The following SH3RF3 variants were observed in gnomAD, a reference collection of about 807,000 sequenced individuals.
SH3RF3 encodes E3 ubiquitin-protein ligase SH3RF3.
In SH3RF3, 29 loss-of-function variants were observed where a neutral mutation model predicts 66.3. The ratio of observed to expected loss-of-function variants is 0.44; its 90% CI spans 0.33 to 0.60. The LOEUF (loss-of-function observed/expected upper bound fraction) is 0.60, where lower values mean the gene tolerates loss of function less well. SH3RF3 is among the 20% of genes least tolerant of loss of function. The pLI, the probability that SH3RF3 is intolerant of heterozygous loss-of-function variation, is 0.04. For missense variants in SH3RF3, 1,194 were observed against 1,190.9 expected, an observed-to-expected ratio of 1.00 and a Z score of -0.04; for synonymous variants, 583 against 532.0, an observed-to-expected ratio of 1.10 and a Z score of -1.32.
At chr2:109,443,896 T>C (rs913341469) in intron 7 of SH3RF3, among the ~76,000 whole-genome samples, 25 of 152,332 alleles carry the variant, frequency 1.6e-4, no homozygotes, top group Admixed American at 5.2e-4. Flanking sequence ...CTTGACTTAG[T>C]TGACGTTTGT....
At chr2:109,266,431 T>C (rs1279270961) in intron 1 of SH3RF3, among the ~76,000 whole-genome samples, 2 of 151,898 alleles carry the variant, frequency 1.3e-5, no homozygotes, top group Non-Finnish European at 2.9e-5. Context: ...CAGGAACAAG[T>C]CTGAGGACTT....
At chr2:109,142,053 G>T (rs1423352757) in intron 1 of SH3RF3, among the ~76,000 whole-genome samples, 2 of 151,268 alleles carry the variant, frequency 1.3e-5, no homozygotes, top group African/African-American at 2.4e-5. Flanking sequence ...TGGGGGGGGG[G>T]TCTCAGGTAT....
intron 1 of SH3RF3, among the ~76,000 whole-genome samples, chr2:109,263,477 A>T (rs916109251): frequency 1.3e-5 from 2 of 152,156 alleles, no homozygotes; most frequent in Non-Finnish European, 2.9e-5. Context: ...GAATATGGAG[A>T]CTTTAAAATG....
At chr2:109,470,396 C>T (rs1226445866) in intron 8 of SH3RF3, among the ~76,000 whole-genome samples, 1 of 152,138 alleles carries the variant, frequency 6.6e-6, no homozygotes, top group African/African-American at 2.4e-5. Flanking sequence ...TCCCTGGAAG[C>T]GCCTTGTCAA....
At chr2:109,262,620 A>G (rs1025410117) in intron 1 of SH3RF3, among the ~76,000 whole-genome samples, 4 of 152,220 alleles carry the variant, frequency 2.6e-5, no homozygotes, top group South Asian at 2.1e-4. Context: ...TTGTATGTCT[A>G]CAACTTTTGT....
intron 1 of SH3RF3, among the ~76,000 whole-genome samples, chr2:109,225,629 A>T (rs1331629097): frequency 6.6e-6 from 1 of 152,242 alleles, no homozygotes; most frequent in East Asian, 1.9e-4. Context: ...AGTCACTTTC[A>T]TGTTTGAATT....
chr2:109,456,440 T>C (rs1678061275), intron 8 of SH3RF3, among the ~76,000 whole-genome samples: 1 of 152,244 alleles, frequency 6.6e-6, no homozygotes, highest in Non-Finnish European at 1.5e-5. Flanking sequence ...AGGCATAAAC[T>C]GCTGGAGCAT....
chr2:109,181,221 A>G (rs528369975), intron 1 of SH3RF3, among the ~76,000 whole-genome samples: 1 of 152,314 alleles, frequency 6.6e-6, no homozygotes, highest in Non-Finnish European at 1.5e-5. Flanking sequence ...GGTTTATGGA[A>G]AAGTTGAGAA....
At chr2:109,460,073 A>G (rs1373327568) in intron 8 of SH3RF3, among the ~76,000 whole-genome samples, 7 of 152,208 alleles carry the variant, frequency 4.6e-5, no homozygotes, top group African/African-American at 1.7e-4. Flanking sequence ...ATAATGGGGA[A>G]CATGGTAGAG....
At chr2:109,454,186 AGG>A (rs1677969939) in intron 8 of SH3RF3, among the ~76,000 whole-genome samples, 1 of 152,238 alleles carries the variant, frequency 6.6e-6, no homozygotes, top group East Asian at 1.9e-4. Context: ...ATAAAATAGG[AGG>A]AAATACTTAC....
intron 1 of SH3RF3, among the ~76,000 whole-genome samples, chr2:109,267,514 T>G (rs1291516433): frequency 6.6e-6 from 1 of 152,176 alleles, no homozygotes; most frequent in Admixed American, 6.5e-5. Context: ...GTCTTTGTGC[T>G]TGCTTCTTTG....
intron 1 of SH3RF3, among the ~76,000 whole-genome samples, chr2:109,140,422 C>T (rs1180680993): frequency 6.6e-6 from 1 of 151,978 alleles, no homozygotes; most frequent in Non-Finnish European, 1.5e-5. Flanking sequence ...GCTCTGTCCC[C>T]TAGGCTGGAG....
intron 6 of SH3RF3, among the ~76,000 whole-genome samples, chr2:109,434,489 G>A (rs1677343792): frequency 6.6e-6 from 1 of 152,220 alleles, no homozygotes; most frequent in African/African-American, 2.4e-5. Context: ...GGCAACTCCT[G>A]ACGTGTGTCA....
intron 9 of SH3RF3, 45 bp from the exon 10 acceptor site, chr2:109,501,458 T>G (rs1432358693): frequency 2.7e-6 from 2 of 746,952 alleles, no homozygotes; most frequent in African/African-American, 1.7e-5. Context: ...ACCCAGCAGA[T>G]GGAGATTGTC....
At chr2:109,181,045 G>A (rs1403127389) in intron 1 of SH3RF3, among the ~76,000 whole-genome samples, 5 of 152,178 alleles carry the variant, frequency 3.3e-5, no homozygotes, top group African/African-American at 1.2e-4. Flanking sequence ...TTGATGGCCA[G>A]CCCGCTGTGC....
At chr2:109,477,644 T>G (rs1441919714) in intron 8 of SH3RF3, among the ~76,000 whole-genome samples, 1 of 137,768 alleles carries the variant, frequency 7.3e-6, no homozygotes, top group African/African-American at 2.8e-5. Context: ...GTGTGTGTGT[T>G]GGTGAGGGGT....
chr2:109,318,983 A>G (rs983491534), intron 1 of SH3RF3, among the ~76,000 whole-genome samples: 2 of 152,246 alleles, frequency 1.3e-5, no homozygotes, highest in Non-Finnish European at 2.9e-5. Context: ...TGTCTGTCCC[A>G]GAACAGATCA....
chr2:109,143,806 G>GGA, intron 1 of SH3RF3, among the ~76,000 whole-genome samples: 1 of 87,804 alleles, frequency 1.1e-5, no homozygotes, highest in Admixed American at 1.1e-4. Flanking sequence ...GTGCTGTGCT[G>GGA]TATACACACA....
At chr2:109,211,401 A>T (rs927996209) in intron 1 of SH3RF3, among the ~76,000 whole-genome samples, 7 of 152,246 alleles carry the variant, frequency 4.6e-5, no homozygotes, top group African/African-American at 1.7e-4. Context: ...AGGTGTTATA[A>T]ACAGCAGGGA....
Sources: gnomAD v4.1 joint callset for allele counts (sites outside exome capture counted in the v4.1 genomes callset) on GRCh38, gnomAD v4.1.1 for gene constraint, MANE v1.5 for transcripts, NCBI Gene and HGNC (gene_info 2026-07-23, HGNC 2026-07-21) for gene names.